Variants in FBXL15 observed in about 807,000 individuals in gnomAD.
FBXL15 encodes F-box/LRR-repeat protein 15.
Under a neutral mutation model 23.6 loss-of-function variants are expected in FBXL15, and 19 were observed. That is an observed-to-expected ratio of 0.81 (90% CI 0.56 to 1.18). The LOEUF is 1.18. Among genes scored for constraint, FBXL15 ranks in the 50% most tolerant of loss-of-function variants. The probability of loss-of-function intolerance (pLI) is 0.00; values close to 1 mark genes in which losing one functional copy is unlikely to be tolerated. For synonymous variants in FBXL15, 224 were observed against 207.7 expected (o/e 1.08, Z -0.67); for missense variants, 385 against 425.4 (o/e 0.91, Z 0.83).
Position 102,421,027 on chromosome 10 carries a change from C to T in FBXL15, c.-103C>T. On this transcript the variant is annotated 5_prime_UTR_variant, in exon 1 of 4. Coordinates refer to ENST00000369956, the MANE Select transcript of FBXL15 (RefSeq NM_024326.4). ...ATCGGATCCTCGGTGAGACGGCACT[C>T]GATTAAATAGGTCTGTCTCTACAGG... 6.5e-7 allele frequency: 1 copy of T among 1,549,520 alleles called. No homozygotes were observed. The highest frequency in any genetic ancestry group is 2.4e-5 in the East Asian group (1 of 40,948).
rs1480596007 is a variant in FBXL15 at position 102,420,865 on chromosome 10, C to G, written c.-265C>G. ...AGAGGCGGCTACTGGCTCAAGAGGACGACAGAAGCCAGTCTCTGATGCCCA... is the reference window on the plus strand; with the variant it reads ...AGAGGCGGCTACTGGCTCAAGAGGAGGACAGAAGCCAGTCTCTGATGCCCA... On this transcript the variant is annotated 5_prime_UTR_variant, in exon 1 of 4. Transcript: ENST00000369956. 5.9e-6 allele frequency: 8 copies of G among 1,355,756 alleles called. No individual in the cohort carries two copies. Among genetic ancestry groups the G allele is most frequent in the Non-Finnish European group, 7.6e-6 (8 of 1,051,778 alleles). The allele number at this position is 1,355,756 out of a possible 1,614,324, so 84.0% of individuals were successfully genotyped here. A position where few individuals can be genotyped will look rare whatever the true frequency, so the allele number is the denominator to read the frequency against.
At position 102,421,952 on chromosome 10, in the gene FBXL15, G is replaced by A; in HGVS notation, c.373G>A (p.Gly125Arg). The change falls in exon 3 of 4, where the codon GGG becomes AGG. Residue 125 changes from glycine to arginine, a missense_variant. Gly to Arg is a moderately radical substitution (Grantham distance 125, BLOSUM62 -2). Transcript: ENST00000369956. ...GCGGAGTGTGGCGTTGGGCGGCTGC[G>A]GGCAACTGAGTCGCCGGGCGCTTGG... ...QLRSVALGGC[G>R]QLSRRALGAL... is the part of the protein sequence containing the mutation. 6.2e-7 allele frequency: 1 copy of A among 1,601,192 alleles called. No homozygotes were observed.
chr10:102,421,568 C>T, intron 2 of FBXL15, 61 bp downstream of exon 2: 1 of 1,438,228 alleles, frequency 7.0e-7, no homozygotes, highest in Non-Finnish European at 9.1e-7. Context: ...AGCCCAGCCC[C>T]CAGCCCCGCA....
Position 102,421,781 on chromosome 10 carries a change from C to T in FBXL15, c.208-6C>T. On this transcript the variant is annotated splice_region_variant and splice_polypyrimidine_tract_variant and intron_variant, in intron 2 of 3. Coordinates refer to ENST00000369956, the MANE Select transcript of FBXL15 (RefSeq NM_024326.4). ...GCTGAGAGTTGGGGTGCCTCCCCGC[C>T]CGCAGGTGGGTCCGCAGATCCCGCG... The T allele has an allele frequency of 1.3e-6, 2 of 1,543,200 alleles. No homozygotes were observed. The highest frequency in any genetic ancestry group is 1.7e-6 in the Non-Finnish European group (2 of 1,150,034).
chr10:102,422,722 C>A, intron 3 of FBXL15, 82 bp from the exon 4 acceptor site: 1 of 1,427,132 alleles, frequency 7.0e-7, no homozygotes, highest in Non-Finnish European at 9.4e-7. Context: ...CAGTCCGAGG[C>A]TGAGTGAGCC....
chr10:102,422,060 C>A lies in FBXL15; in HGVS notation c.481C>A (p.Leu161Ile). 6.3e-7 allele frequency: 1 copy of A among 1,590,284 alleles called. No individual in the cohort carries two copies. Among genetic ancestry groups the A allele is most frequent in the Non-Finnish European group, 8.5e-7 (1 of 1,173,310 alleles). The change falls in exon 3 of 4, where the codon CTC becomes ATC. Residue 161 changes from leucine (L) to isoleucine (I), a missense_variant. By Grantham distance (5) the Leu-to-Ile change is conservative. Around this residue, in one of 2 missense-constraint regions of FBXL15, gnomAD observed 255 missense variants for 330.2 expected, o/e 0.77. Transcript: ENST00000369956. ...DWVDGLALRG[L>I]ADRCPALEEL... ...GGTGGACGGGCTGGCGCTGCGCGGC[C>A]TCGCTGATCGCTGCCCGGCCCTGGA... is the stretch of plus-strand genomic sequence containing the variant.
At position 102,422,937 on chromosome 10, in the gene FBXL15, C is replaced by G. The variant is rs780355378; in HGVS notation, c.847C>G (p.Leu283Val). ...IDVEPPLHQALVLLQDMAGFA... is the reference protein window; with the variant it reads ...IDVEPPLHQAVVLLQDMAGFA... ...CGTGGAGCCGCCGCTGCACCAGGCC[C>G]TGGTGCTGCTGCAGGATATGGCGGG... Residue 283 changes from leucine (L) to valine (V), a missense_variant, in exon 4 of 4, where the codon CTG becomes GTG. Leu to Val is a conservative substitution (Grantham distance 32). This residue lies in a region of FBXL15 where 255 missense variants were observed against 330.2 expected (regional missense o/e 0.77). Coordinates refer to ENST00000369956, the MANE Select transcript of FBXL15 (RefSeq NM_024326.4). 3 of 1,606,772 alleles carry G rather than the reference C, an allele frequency of 1.9e-6. No homozygotes were observed. Among genetic ancestry groups the G allele is most frequent in the East Asian group, 2.2e-5 (1 of 44,538 alleles).
chr10:102,421,483 G>A lies in FBXL15; in HGVS notation c.183G>A (p.Gly61=). 1.3e-6 allele frequency: 2 copies of A among 1,489,784 alleles called. No homozygotes were observed. The highest frequency in any genetic ancestry group is 2.5e-5 in the East Asian group (1 of 40,326). The allele number at this position is 1,489,784 out of a possible 1,614,324, so 92.3% of individuals were successfully genotyped here. ...CGCTGGTGCAGCTTCACCTGGCCGG[G>A]CTGCGTCGCTTCGATGCCGCGCAGG... is the stretch of plus-strand genomic sequence containing the variant. ...FRSLVQLHLA[G]LRRFDAAQVG... The change falls in exon 2 of 4, where the codon GGG becomes GGA. Residue 61 remains glycine, a synonymous_variant. Transcript: ENST00000369956.
intron 2 of FBXL15, 100 bp downstream of exon 2, chr10:102,421,607 C>T: frequency 1.4e-6 from 2 of 1,425,918 alleles, no homozygotes; most frequent in East Asian, 2.5e-5. Flanking sequence ...CCTTGGGCCG[C>T]CGGGGCTGCC....
At chr10:102,421,230 G>A in intron 1 of FBXL15, 48 bp downstream of exon 1, 1 of 1,591,746 alleles carries the variant, frequency 6.3e-7, no homozygotes, top group Non-Finnish European at 8.5e-7. Flanking sequence ...CTGAGGGAGG[G>A]GAGCCGAGCC....
In FBXL15 at chr10:102,421,071, T is replaced by C; in HGVS notation, c.-59T>C. 1.9e-6 allele frequency: 3 copies of C among 1,566,000 alleles called. No homozygotes were observed. The highest frequency in any genetic ancestry group is 3.8e-5 in the Admixed American group (2 of 52,908). On this transcript the variant is annotated 5_prime_UTR_variant, in exon 1 of 4. Transcript: ENST00000369956. ...CTACAGGCCAAGGAGGCGGGTTTGG[T>C]GCGGCCACTCCAAGGCCAAAGCGAG...
chr10:102,421,537 C>T, intron 2 of FBXL15, 30 bp downstream of exon 2: 1 of 1,448,270 alleles, frequency 6.9e-7, no homozygotes, highest in Non-Finnish European at 9.1e-7. Flanking sequence ...CCCGCCCCTG[C>T]CTGGGTACCG....
chr10:102,422,634 C>T (rs779054667), intron 3 of FBXL15, among the ~76,000 whole-genome samples, 170 bp from the exon 4 acceptor site: 3 of 152,204 alleles, frequency 2.0e-5, no homozygotes, highest in Non-Finnish European at 4.4e-5. Context: ...GAAGCCAATC[C>T]AGGCGCCTCC....
At position 102,421,930 on chromosome 10, in the gene FBXL15, G is replaced by C. The variant is rs1436331974; in HGVS notation, c.351G>C (p.Arg117=). The change falls in exon 3 of 4, where the codon CGG becomes CGC. Residue 117 remains arginine (R), a synonymous_variant. Transcript: ENST00000369956. The part of the protein sequence containing the change: ...VPVLARNPQL[R]SVALGGCGQL... ...TGCTGGCGCGGAATCCGCAGCTGCG[G>C]AGTGTGGCGTTGGGCGGCTGCGGGC... is the stretch of plus-strand genomic sequence containing the variant. 2.5e-6 allele frequency: 4 copies of C among 1,604,736 alleles called. No individual in the cohort carries two copies. Among genetic ancestry groups the C allele is most frequent in the Admixed American group, 1.7e-5 (1 of 59,804 alleles).
In FBXL15 at chr10:102,422,931, C is replaced by T. The variant is rs1210662363; in HGVS notation, c.841C>T (p.Gln281Ter). The T allele has an allele frequency of 1.2e-6, 2 of 1,607,790 alleles. No individual in the cohort carries two copies. The highest frequency in any genetic ancestry group is 1.3e-5 in the African/African-American group (1 of 74,956). The change falls in exon 4 of 4, where the codon CAG becomes TAG. Residue 281 changes from glutamine to a stop codon, truncating the protein, a stop_gained. Coordinates refer to ENST00000369956, the MANE Select transcript of FBXL15 (RefSeq NM_024326.4). LOFTEE classifies it high-confidence loss of function. ...VDIDVEPPLH[Q>*]ALVLLQDMAG... Reference sequence around the variant, plus strand: ...CATCGACGTGGAGCCGCCGCTGCACCAGGCCCTGGTGCTGCTGCAGGATAT... The same window carrying T: ...CATCGACGTGGAGCCGCCGCTGCACTAGGCCCTGGTGCTGCTGCAGGATAT...
chr10:102,421,575 C>G (rs969704873), intron 2 of FBXL15, 68 bp downstream of exon 2: 4 of 1,435,056 alleles, frequency 2.8e-6, no homozygotes, highest in Non-Finnish European at 3.6e-6. Flanking sequence ...CCCCCAGCCC[C>G]GCAGTATGCC....
Position 102,422,759 on chromosome 10 carries a change from G to C in FBXL15, c.714-45G>C, listed in dbSNP as rs1320680373. 3.2e-6 allele frequency: 5 copies of C among 1,553,886 alleles called. No individual in the cohort carries two copies. The Admixed American group carries it at 9.0e-5, about 28-fold the overall frequency. ...GGGCCTCCACCTTACCCCACCAAAG[G>C]TGTGGTGGCCTCATGTCCCTAGCCT... On this transcript the variant is annotated intron_variant, in intron 3 of 3. Coordinates refer to ENST00000369956, the MANE Select transcript of FBXL15 (RefSeq NM_024326.4).
In FBXL15 at chr10:102,421,413, T is replaced by C; in HGVS notation, c.113T>C (p.Leu38Pro). The C allele has an allele frequency of 6.4e-7, 1 of 1,566,004 alleles. No homozygotes were observed. The highest frequency in any genetic ancestry group is 1.2e-5 in the South Asian group (1 of 86,046). Residue 38 changes from leucine to proline, a missense_variant, in exon 2 of 4, where the codon CTG becomes CCG. Leu to Pro is a moderately conservative substitution (Grantham distance 98). Around this residue, in one of 2 missense-constraint regions of FBXL15, gnomAD observed 130 missense variants for 95.1 expected, o/e 1.37. Coordinates refer to ENST00000369956, the MANE Select transcript of FBXL15 (RefSeq NM_024326.4). Reference sequence around the variant, plus strand: ...CCACACGTCCTGAACCGGGTCCCGCTGCGCCAGCTGCTCCGGCTGCAGCGC... The same window carrying C: ...CCACACGTCCTGAACCGGGTCCCGCCGCGCCAGCTGCTCCGGCTGCAGCGC... ...LLPHVLNRVP[L>P]RQLLRLQRVS...
chr10:102,420,921 TGTAGCCGA>T lies in FBXL15; in HGVS notation c.-207_-200del. 1.4e-6 allele frequency: 2 copies of T among 1,442,674 alleles called. No individual in the cohort carries two copies. The highest frequency in any genetic ancestry group is 1.8e-6 in the Non-Finnish European group (2 of 1,096,404). 89.4% of individuals were successfully genotyped at this position (1,442,674 alleles called of 1,614,324 possible). ...TTCTCCAGCTTCAGGCCTCAAGCCC[TGTAGCCGA>T]GAAGGCGAGGCCTAATGTTACACCA... On this transcript the variant is annotated 5_prime_UTR_variant, in exon 1 of 4. The change abolishes the stop of an existing upstream ORF in the 5' untranslated region. Transcript: ENST00000369956.
Sources: allele counts gnomAD v4.1 joint callset (sites outside exome capture counted in the v4.1 genomes callset), GRCh38; gene constraint gnomAD v4.1.1; regional missense constraint gnomAD v4.1.1; transcripts MANE v1.5; gene names NCBI Gene and HGNC (gene_info 2026-07-23, HGNC 2026-07-21).